Variants in TSHZ3 observed in about 807,000 individuals in gnomAD.
The protein encoded by TSHZ3 is teashirt homolog 3.
In TSHZ3, 10 loss-of-function variants were observed where a neutral mutation model predicts 64.5. The observed-to-expected ratio is 0.16, with a 90% CI of 0.10 to 0.26. The LOEUF (loss-of-function observed/expected upper bound fraction) is 0.26, where lower values mean the gene tolerates loss of function less well. Ranked by LOEUF, TSHZ3 falls within the 10% of genes least tolerant of loss-of-function variation. The pLI is 1.00. For synonymous variants in TSHZ3, 608 were observed against 593.1 expected (o/e 1.03, Z -0.36); for missense variants, 1,242 against 1,421.7 (o/e 0.87, Z 2.03).
chr19:31,248,488 G>A (rs1308322288), intron 1 of TSHZ3, among the ~76,000 whole-genome samples: 2 of 152,102 alleles, frequency 1.3e-5, no homozygotes, highest in African/African-American at 4.8e-5. Flanking sequence ...ATACTGCGGA[G>A]AAGCTGTGTA....
At chr19:31,231,288 C>T (rs1273199119) in intron 3 of TSHZ3, among the ~76,000 whole-genome samples, 1 of 152,016 alleles carries the variant, frequency 6.6e-6, no homozygotes, top group East Asian at 1.9e-4. Flanking sequence ...CCCACACTTT[C>T]AGCTCTCAGG....
rs1014689489 is a variant in TSHZ3 at position 31,348,823 on chromosome 19, T to C, written c.40+357A>G. The C allele has an allele frequency of 9.8e-5, 24 of 243,902 alleles. No homozygotes were observed. The East Asian group carries it at 1.9e-3, about 19-fold the overall frequency. 15.1% of individuals were successfully genotyped at this position (243,902 alleles called of 1,614,324 possible). ...TCGGCCGCTCGGAGGACGCGGAAGA[T>C]GTCCCGGGGAACTCAGGTGACCCCG... On this transcript the variant is annotated intron_variant, in intron 1 of 1. Transcript: ENST00000240587.
intron 4 of TSHZ3, among the ~76,000 whole-genome samples, chr19:31,225,696 C>A (rs1232693777): frequency 6.6e-6 from 1 of 152,184 alleles, no homozygotes; most frequent in African/African-American, 2.4e-5. Context: ...TGCCTTCTGA[C>A]AGTTTCCATC....
intron 1 of TSHZ3, among the ~76,000 whole-genome samples, chr19:31,259,510 G>T (rs1384077703): frequency 6.6e-6 from 1 of 152,074 alleles, no homozygotes; most frequent in Non-Finnish European, 1.5e-5. Flanking sequence ...TCTGAGAAAT[G>T]GTCGTTCCCT....
chr19:31,193,600 C>A (rs963050876), intron 5 of TSHZ3, among the ~76,000 whole-genome samples: 2 of 152,158 alleles, frequency 1.3e-5, no homozygotes, highest in Non-Finnish European at 2.9e-5. Flanking sequence ...AGCTGCTTAA[C>A]CTCTTTGTGC....
At chr19:31,305,444 A>T (rs531148914) in intron 1 of TSHZ3, 1 of 152,312 alleles carries the variant, frequency 6.6e-6, no homozygotes, top group East Asian at 1.9e-4. Flanking sequence ...TTCTGAATAA[A>T]ATGATCAGTT....
intron 4 of TSHZ3, among the ~76,000 whole-genome samples, chr19:31,215,379 G>T (rs1156922549): frequency 6.6e-6 from 1 of 152,066 alleles, no homozygotes; most frequent in Non-Finnish European, 1.5e-5. Flanking sequence ...TGCTATACAA[G>T]TAAACAAGAA....
intron 1 of TSHZ3, among the ~76,000 whole-genome samples, chr19:31,345,077 C>T (rs959240320): frequency 1.4e-4 from 22 of 152,130 alleles, no homozygotes; most frequent in African/African-American, 4.8e-4. Flanking sequence ...GGTTCTCTTC[C>T]CCACGTGGAC....
At chr19:31,253,358 A>AT (rs1179879440) in intron 1 of TSHZ3, among the ~76,000 whole-genome samples, 3 of 152,134 alleles carry the variant, frequency 2.0e-5, no homozygotes, top group African/African-American at 7.2e-5. Flanking sequence ...AAAGAACAGG[A>AT]TTTTTTTTAA....
At chr19:31,234,621 C>CAG (rs1445443411) in intron 3 of TSHZ3, among the ~76,000 whole-genome samples, 1 of 152,210 alleles carries the variant, frequency 6.6e-6, no homozygotes, top group Non-Finnish European at 1.5e-5. Context: ...TCTTTTGCTG[C>CAG]ATCTATCTAC....
chr19:31,306,180 C>CATAT (rs1199349732), intron 1 of TSHZ3, among the ~76,000 whole-genome samples: 1 of 152,180 alleles, frequency 6.6e-6, no homozygotes, highest in African/African-American at 2.4e-5. Flanking sequence ...GGTGGCCTTG[C>CATAT]ATATGCAGCC....
chr19:31,330,665 C>T (rs904881643), intron 1 of TSHZ3, among the ~76,000 whole-genome samples: 6 of 150,912 alleles, frequency 4.0e-5, no homozygotes, highest in African/African-American at 1.5e-4. Context: ...CTCAAAACAT[C>T]AATGTGCTTT....
intron 1 of TSHZ3, among the ~76,000 whole-genome samples, chr19:31,321,935 C>A (rs1443911438): frequency 1.3e-5 from 2 of 151,936 alleles, no homozygotes; most frequent in African/African-American, 4.8e-5. Context: ...TACCCATCAA[C>A]CCATCACCTA....
At chr19:31,264,574 T>A (rs941754311) in intron 1 of TSHZ3, among the ~76,000 whole-genome samples, 4 of 152,144 alleles carry the variant, frequency 2.6e-5, no homozygotes, top group African/African-American at 9.7e-5. Context: ...CTGTCTAAAA[T>A]GGGCGGCTGC....
intron 1 of TSHZ3, among the ~76,000 whole-genome samples, chr19:31,348,426 G>T (rs1376748176): frequency 2.7e-5 from 4 of 150,406 alleles, no homozygotes; most frequent in African/African-American, 4.9e-5. Flanking sequence ...AAAAAAATCG[G>T]CTCAGTCTTA....
chr19:31,348,236 G>T (rs2021571551), intron 1 of TSHZ3, among the ~76,000 whole-genome samples: 1 of 152,106 alleles, frequency 6.6e-6, no homozygotes, highest in African/African-American at 2.4e-5. Context: ...TGTTTATTGG[G>T]AATGAATAGA....
chr19:31,298,704 C>T (rs1246183245), intron 1 of TSHZ3, among the ~76,000 whole-genome samples: 1 of 152,018 alleles, frequency 6.6e-6, no homozygotes, highest in Non-Finnish European at 1.5e-5. Flanking sequence ...TCCATGGGCT[C>T]CATGTCATGG....
Position 31,175,762 on chromosome 19 carries a change from C to A in TSHZ3, n.810-19345G>T, listed in dbSNP as rs1184710510. Among the ~76,000 whole-genome samples, 2 of 152,334 alleles carry A rather than the reference C, an allele frequency of 1.3e-5. 1 individual carries two copies. Among genetic ancestry groups the A allele is most frequent in the East Asian group, 3.9e-4 (2 of 5,174 alleles). On this transcript the variant is annotated intron_variant and non_coding_transcript_variant, in intron 5 of 6. Transcript: ENST00000651361. ...TGCTCTCTGTTGCTCTGAGTGGAGG[C>A]GGCCAGTGGGGCCCTGGCCAGGAGC...
chr19:31,295,590 C>G (rs1447492860), intron 1 of TSHZ3, among the ~76,000 whole-genome samples: 2 of 152,134 alleles, frequency 1.3e-5, no homozygotes, highest in African/African-American at 4.8e-5. Context: ...TGTTAAAAGT[C>G]AGGACAGCAG....
Sources: gnomAD v4.1 joint callset for allele counts (sites outside exome capture counted in the v4.1 genomes callset) on GRCh38, gnomAD v4.1.1 for gene constraint, MANE v1.5 for transcripts, NCBI Gene and HGNC (gene_info 2026-07-23, HGNC 2026-07-21) for gene names.